Variants in KDM3A observed in about 807,000 individuals in gnomAD.
The protein encoded by KDM3A is lysine-specific demethylase 3A.
Under a neutral mutation model 158.0 loss-of-function variants are expected in KDM3A, and 60 were observed. The observed-to-expected ratio is 0.38, with a 90% CI of 0.31 to 0.47. The LOEUF (loss-of-function observed/expected upper bound fraction) is 0.47. Ranked by LOEUF, KDM3A falls within the 20% of genes least tolerant of loss-of-function variation. The probability of loss-of-function intolerance (pLI) is 0.99; values close to 1 mark genes in which losing one functional copy is unlikely to be tolerated. For missense variants in KDM3A, 1,319 were observed against 1,574.3 expected, an observed-to-expected ratio of 0.84 and a Z score of 2.74; for synonymous variants, 608 against 549.3, an observed-to-expected ratio of 1.11 and a Z score of -1.49.
intron 18 of KDM3A, 84 bp downstream of exon 18, chr2:86,482,778 G>A: frequency 7.9e-7 from 1 of 1,260,132 alleles, no homozygotes; most frequent in Non-Finnish European, 1.1e-6. Flanking sequence ...CCCACCCCAG[G>A]CTTTCCCCCT....
intron 8 of KDM3A, among the ~76,000 whole-genome samples, chr2:86,463,361 T>G (rs181257840): frequency 1.3e-3 from 192 of 152,272 alleles, no homozygotes; most frequent in Non-Finnish European, 2.3e-3. Context: ...TTTTTTATGG[T>G]GGGAAGTTTA....
intron 18 of KDM3A, 102 bp from the exon 19 acceptor site, chr2:86,483,885 C>A: frequency 1.1e-6 from 1 of 950,996 alleles, no homozygotes; most frequent in Non-Finnish European, 1.6e-6. Context: ...GGAGCACCAG[C>A]TCCATGGAAA....
At chr2:86,476,062 C>CT (rs140888801) in intron 12 of KDM3A, among the ~76,000 whole-genome samples, 33 of 152,244 alleles carry the variant, frequency 2.2e-4, no homozygotes, top group African/African-American at 5.3e-4. Context: ...AGTGGAGACT[C>CT]TAAGTCAAGA....
chr2:86,443,989 T>C (rs778265745), intron 2 of KDM3A, among the ~76,000 whole-genome samples: 55 of 152,218 alleles, frequency 3.6e-4, no homozygotes, highest in Non-Finnish European at 6.8e-4. Context: ...ATTTAAACTT[T>C]CCAGTCTTTA....
intron 2 of KDM3A, among the ~76,000 whole-genome samples, chr2:86,448,977 A>G (rs748170762): frequency 2.6e-4 from 39 of 152,292 alleles, no homozygotes; most frequent in Non-Finnish European, 4.1e-4. Context: ...ATGGTTTTGT[A>G]AACAATTCCT....
Position 86,482,710 on chromosome 2 carries a change from C to G in KDM3A, c.2922+16C>G. 1 of 1,611,806 alleles carries G rather than the reference C, an allele frequency of 6.2e-7. No homozygotes were observed. The highest frequency in any genetic ancestry group is 8.5e-7 in the Non-Finnish European group (1 of 1,179,426). ...ACAAGGGCAGGTAATGTAGGCCTCC[C>G]ATCCTCCTGCCCTATTCAGAACCCC... is the stretch of plus-strand genomic sequence containing the variant. On this transcript the variant is annotated intron_variant, in intron 18 of 25. Coordinates refer to ENST00000312912, the MANE Select transcript of KDM3A (RefSeq NM_018433.6).
intron 13 of KDM3A, 52 bp from the exon 14 acceptor site, chr2:86,478,118 A>T: frequency 6.2e-7 from 1 of 1,608,398 alleles, no homozygotes; most frequent in Non-Finnish European, 8.5e-7. Flanking sequence ...TTCTTGAAGC[A>T]TGTGGAGACA....
At chr2:86,490,257 C>CA (rs1416915991) in intron 23 of KDM3A, 1 of 152,476 alleles carries the variant, frequency 6.6e-6, no homozygotes, top group African/African-American at 2.4e-5. Flanking sequence ...GGTTGCAACT[C>CA]AGGTGTCTTT....
intron 19 of KDM3A, 147 bp downstream of exon 19, chr2:86,484,305 T>G (rs1289621165): frequency 1.5e-6 from 1 of 657,758 alleles, no homozygotes; most frequent in Admixed American, 3.0e-5. Flanking sequence ...CCTTCCTTGT[T>G]ACAATGTTTA....
chr2:86,465,512 A>T (rs970861328), intron 9 of KDM3A, among the ~76,000 whole-genome samples: 12 of 151,952 alleles, frequency 7.9e-5, no homozygotes, highest in African/African-American at 2.9e-4. Context: ...GGCTCAATTG[A>T]TCCTCTTGCC....
chr2:86,445,549 C>T (rs900349850), intron 2 of KDM3A, among the ~76,000 whole-genome samples: 2 of 152,104 alleles, frequency 1.3e-5, no homozygotes, highest in East Asian at 1.9e-4. Flanking sequence ...TTGAAGCCTA[C>T]CTGTTTCTTG....
Position 86,456,546 on chromosome 2 carries a change from C to T in KDM3A, c.661C>T (p.Leu221Phe), listed in dbSNP as rs1558610184. The change falls in exon 6 of 26, where the codon CTT (leucine) becomes TTT (phenylalanine). Residue 221 changes from leucine to phenylalanine, a missense_variant. Physicochemically the swap from Leu to Phe is conservative, Grantham distance 22. This residue lies in a region of KDM3A where 652 missense variants were observed against 627.2 expected (regional missense o/e 1.04). Transcript: ENST00000312912. ...VINGNPASKT[L>F]QVNCEEIPAL... is the part of the protein sequence containing the mutation. ...AAATGGAAACCCAGCATCAAAAACT[C>T]TTCAAGTCAACTGTGAGGAGGTAAA... 1 of 1,608,446 alleles carries T rather than the reference C, an allele frequency of 6.2e-7. No homozygotes were observed. Among genetic ancestry groups the T allele is most frequent in the East Asian group, 2.2e-5 (1 of 44,608 alleles).
intron 21 of KDM3A, chr2:86,487,662 T>C (rs779575104): frequency 2.0e-5 from 3 of 152,204 alleles, no homozygotes; most frequent in African/African-American, 4.8e-5. Flanking sequence ...TAACTCCCCA[T>C]CACCCAACAG....
In KDM3A at chr2:86,466,680, A is replaced by G. The variant is rs1312821289; in HGVS notation, c.1316A>G (p.His439Arg). The change falls in exon 10 of 26, where the codon CAC becomes CGC. Residue 439 changes from histidine (H) to arginine (R), a missense_variant. Physicochemically the swap from His to Arg is conservative, Grantham distance 29. This residue lies in a region of KDM3A where 652 missense variants were observed against 627.2 expected (regional missense o/e 1.04). Transcript: ENST00000312912. ...EIANPPELQK[H>R]LEHAPSPSDV... The stretch of plus-strand genomic sequence containing the variant: ...GCCAATCCTCCTGAACTGCAGAAGC[A>G]CCTAGAACATGCACCTTCCCCATCG... 5 of 1,613,930 alleles carry G rather than the reference A, an allele frequency of 3.1e-6. No individual in the cohort carries two copies. The highest frequency in any genetic ancestry group is 4.2e-6 in the Non-Finnish European group (5 of 1,179,864).
At position 86,477,970 on chromosome 2, in the gene KDM3A, G is replaced by A; in HGVS notation, c.2033G>A (p.Arg678Gln). The A allele has an allele frequency of 3.7e-6, 6 of 1,614,108 alleles. No individual in the cohort carries two copies. Among genetic ancestry groups the A allele is most frequent in the Middle Eastern group, 1.7e-4 (1 of 6,060 alleles). ...TIFNLHWVCP[R>Q]CGFGVCVDCY... ...TTCAACCTGCACTGGGTGTGTCCTC[G>A]GTGTGGGTTTGGAGTATGTGTGGAC... Residue 678 changes from arginine (R) to glutamine (Q), a missense_variant, in exon 13 of 26, where the codon CGG becomes CAG. This residue lies in a region of KDM3A where 113 missense variants were observed against 190.5 expected (regional missense o/e 0.59). Transcript: ENST00000312912.
intron 14 of KDM3A, 110 bp downstream of exon 14, chr2:86,478,375 T>C (rs1673763583): frequency 1.1e-6 from 1 of 895,354 alleles, no homozygotes; most frequent in African/African-American, 1.7e-5. Context: ...GTGTGTATTG[T>C]AAGTTGTCCA....
intron 11 of KDM3A, 96 bp downstream of exon 11, chr2:86,470,504 T>A: frequency 1.9e-6 from 2 of 1,031,238 alleles, no homozygotes; most frequent in African/African-American, 1.6e-5. Context: ...ACAGTAAATC[T>A]AGAAGTAAAA....
chr2:86,491,047 C>T lies in KDM3A; in HGVS notation c.3740C>T (p.Ala1247Val). The stretch of plus-strand genomic sequence containing the variant: ...GATGTGGTGTTTATCCCGGCAGGAG[C>T]TCCACATCAGGCAAGAATCATTACT... Reference protein sequence around the residue: ...LGDVVFIPAGAPHQVHNLYSC... With the variant: ...LGDVVFIPAGVPHQVHNLYSC... The change falls in exon 24 of 26, where the codon GCT becomes GTT. Residue 1247 changes from alanine to valine, a missense_variant. Transcript: ENST00000312912. 5.0e-6 allele frequency: 8 copies of T among 1,613,642 alleles called. No homozygotes were observed. Among genetic ancestry groups the T allele is most frequent in the Non-Finnish European group, 5.9e-6 (7 of 1,179,788 alleles).
intron 16 of KDM3A, among the ~76,000 whole-genome samples, chr2:86,481,488 T>G (rs1673924007): frequency 6.6e-6 from 1 of 151,826 alleles, no homozygotes; most frequent in Non-Finnish European, 1.5e-5. Flanking sequence ...TTTTTGTTTG[T>G]TTGGTTTTGT....
Sources: allele counts gnomAD v4.1 joint callset (sites outside exome capture counted in the v4.1 genomes callset), GRCh38; gene constraint gnomAD v4.1.1; regional missense constraint gnomAD v4.1.1; transcripts MANE v1.5; gene names NCBI Gene and HGNC (gene_info 2026-07-23, HGNC 2026-07-21).